UNC13C: variants seen among roughly 807,000 people sequenced by gnomAD.
The protein encoded by UNC13C is protein unc-13 homolog C.
A neutral mutation model predicts 245.4 loss-of-function variants in UNC13C; 174 were observed. The ratio of observed to expected loss-of-function variants is 0.71; its 90% CI spans 0.63 to 0.80. The LOEUF (loss-of-function observed/expected upper bound fraction) is 0.80. UNC13C is among the 30% of genes least tolerant of loss of function. UNC13C has a pLI of 0.00. For missense variants in UNC13C, 2,829 were observed against 2,602.9 expected (o/e 1.09, Z -1.89); for synonymous variants, 992 against 895.1 (o/e 1.11, Z -1.93).
At chr15:53,926,662 T>C in the UNC13C span, among the ~76,000 whole-genome samples, 2 of 152,148 alleles carry the variant, frequency 1.3e-5, no homozygotes, top group Non-Finnish European at 1.5e-5. Flanking sequence ...GTGTGGTAAA[T>C]GGAATAATAG....
chr15:54,198,245 G>A (rs551551185), intron 4 of UNC13C, among the ~76,000 whole-genome samples: 4 of 152,000 alleles, frequency 2.6e-5, no homozygotes, highest in African/African-American at 9.7e-5. Context: ...TACCTGCCCT[G>A]GTAGCCAAAG....
intron 16 of UNC13C, 45 bp from the exon 17 acceptor site, chr15:54,338,316 T>C: frequency 1.9e-6 from 3 of 1,589,702 alleles, no homozygotes; most frequent in Non-Finnish European, 2.6e-6. Flanking sequence ...TAGATTACAA[T>C]GTGTCACTGT....
intron 4 of UNC13C, among the ~76,000 whole-genome samples, chr15:54,181,625 A>G (rs1285425119): frequency 2.0e-5 from 3 of 151,988 alleles, no homozygotes; most frequent in Non-Finnish European, 2.9e-5. Flanking sequence ...GAATCTGTAG[A>G]TTGCTTTGGG....
chr15:53,930,303 G>A, the UNC13C span, among the ~76,000 whole-genome samples: 19 of 152,182 alleles, frequency 1.2e-4, no homozygotes, highest in Admixed American at 8.5e-4. Flanking sequence ...TCTAGACTTC[G>A]AACTCACACA....
chr15:54,464,139 C>G (rs1228691312), intron 19 of UNC13C, among the ~76,000 whole-genome samples: 1 of 152,164 alleles, frequency 6.6e-6, no homozygotes, highest in Non-Finnish European at 1.5e-5. Context: ...CTTGCCAACA[C>G]TAGGTATTAT....
chr15:54,406,665 C>T (rs1022319961), intron 18 of UNC13C, among the ~76,000 whole-genome samples: 3 of 152,254 alleles, frequency 2.0e-5, no homozygotes, highest in South Asian at 4.1e-4. Flanking sequence ...CCTTGTGTCA[C>T]GAGTACAATT....
intron 2 of UNC13C, among the ~76,000 whole-genome samples, chr15:54,044,876 A>G (rs1896963377): frequency 6.6e-6 from 1 of 151,990 alleles, no homozygotes. Flanking sequence ...TCTTCTTTGG[A>G]GCAAAATATA....
intron 2 of UNC13C, among the ~76,000 whole-genome samples, chr15:54,113,057 A>G (rs1038316790): frequency 8.6e-5 from 13 of 151,484 alleles, no homozygotes; most frequent in African/African-American, 2.9e-4. Context: ...AAATTGTGTC[A>G]TATTTTACTC....
At chr15:53,915,272 G>T in the UNC13C span, among the ~76,000 whole-genome samples, 1 of 152,132 alleles carries the variant, frequency 6.6e-6, no homozygotes, top group Non-Finnish European at 1.5e-5. Flanking sequence ...TGGAAGAGTG[G>T]GTGGAAGGAA....
At chr15:54,459,925 C>A (rs931785949) in intron 19 of UNC13C, among the ~76,000 whole-genome samples, 1 of 152,056 alleles carries the variant, frequency 6.6e-6, no homozygotes, top group Non-Finnish European at 1.5e-5. Flanking sequence ...TGGTTTGGAT[C>A]CACTACTGGA....
chr15:53,947,542 CT>C, the UNC13C span: 1 of 152,156 alleles, frequency 6.6e-6, no homozygotes, highest in Non-Finnish European at 1.5e-5. Context: ...GCTCCTTTTC[CT>C]GAAAACTTAG....
intron 18 of UNC13C, among the ~76,000 whole-genome samples, chr15:54,400,687 G>A (rs553199011): frequency 3.9e-5 from 6 of 152,106 alleles, no homozygotes; most frequent in African/African-American, 1.4e-4. Context: ...TCCTATAATG[G>A]TTTCATTTAT....
intron 10 of UNC13C, among the ~76,000 whole-genome samples, chr15:54,270,614 AG>A (rs991416668): frequency 1.3e-5 from 2 of 152,136 alleles, no homozygotes; most frequent in African/African-American, 4.8e-5. Context: ...ATGCCAAAAA[AG>A]TTCCAACTTG....
At chr15:54,167,124 A>G (rs1288534047) in intron 4 of UNC13C, among the ~76,000 whole-genome samples, 3 of 152,210 alleles carry the variant, frequency 2.0e-5, no homozygotes, top group Non-Finnish European at 1.5e-5. Context: ...CTGGTATGAG[A>G]GTGAAAGATA....
At chr15:53,960,806 A>G in the UNC13C span, among the ~76,000 whole-genome samples, 8 of 152,220 alleles carry the variant, frequency 5.3e-5, no homozygotes, top group African/African-American at 1.9e-4. Flanking sequence ...CTCTGCAGCC[A>G]ACTTGTTACC....
intron 4 of UNC13C, among the ~76,000 whole-genome samples, chr15:54,163,545 C>T (rs1467106147): frequency 1.3e-5 from 2 of 152,066 alleles, no homozygotes; most frequent in African/African-American, 4.8e-5. Flanking sequence ...TCTTTTGGAA[C>T]ACCCACTGTA....
intron 17 of UNC13C, among the ~76,000 whole-genome samples, chr15:54,389,703 G>A (rs1386547389): frequency 5.9e-5 from 9 of 151,548 alleles, no homozygotes; most frequent in Non-Finnish European, 1.3e-4. Flanking sequence ...ATGTGGTTTT[G>A]TGTGTACACA....
chr15:54,410,226 G>T (rs934089127), intron 18 of UNC13C, among the ~76,000 whole-genome samples: 9 of 152,094 alleles, frequency 5.9e-5, no homozygotes, highest in African/African-American at 2.2e-4. Context: ...GAGGTTGCCT[G>T]TTGTTTTTGC....
intron 19 of UNC13C, among the ~76,000 whole-genome samples, chr15:54,469,513 C>T (rs1892347585): frequency 6.6e-6 from 1 of 151,528 alleles, no homozygotes; most frequent in Admixed American, 6.6e-5. Flanking sequence ...ATACCAAAAT[C>T]TGTGCATGTT....
Sources: allele counts gnomAD v4.1 joint callset (sites outside exome capture counted in the v4.1 genomes callset), GRCh38; gene constraint gnomAD v4.1.1; transcripts MANE v1.5; gene names NCBI Gene and HGNC (gene_info 2026-07-23, HGNC 2026-07-21).